Variants in PDPN observed in about 807,000 individuals in gnomAD.
PDPN encodes PA2.26 antigen.
In PDPN, 12 loss-of-function variants were observed where a neutral mutation model predicts 23.2. That is an observed-to-expected ratio of 0.52 (90% CI 0.33 to 0.84). PDPN has a LOEUF of 0.84. PDPN is among the 40% of genes least tolerant of loss of function. The pLI, the probability that PDPN is intolerant of heterozygous loss-of-function variation, is 0.02. For synonymous variants in PDPN, 77 were observed against 76.7 expected, an observed-to-expected ratio of 1.00 and a Z score of -0.02; for missense variants, 199 against 212.2, an observed-to-expected ratio of 0.94 and a Z score of 0.39.
chr1:13,595,593 TCTC>T (rs1553144477), intron 1 of PDPN, among the ~76,000 whole-genome samples: 2 of 152,154 alleles, frequency 1.3e-5, no homozygotes, highest in Non-Finnish European at 2.9e-5. Context: ...ACGTGTCTGA[TCTC>T]CTCAGCTTTG....
At chr1:13,602,464 C>T (rs77413134) in intron 1 of PDPN, among the ~76,000 whole-genome samples, 2,497 of 152,270 alleles carry the variant, frequency 0.016, 90 homozygotes, top group African/African-American at 0.057. Context: ...CAACTCGCTC[C>T]ACAAATCAAA....
At chr1:13,592,133 C>A (rs558612273) in intron 1 of PDPN, among the ~76,000 whole-genome samples, 1 of 152,306 alleles carries the variant, frequency 6.6e-6, no homozygotes, top group South Asian at 2.1e-4. Flanking sequence ...TTGTTTAAAT[C>A]CTTTGCTCAC....
intron 1 of PDPN, among the ~76,000 whole-genome samples, chr1:13,588,997 T>TTGA (rs1640262983): frequency 2.0e-5 from 3 of 148,158 alleles, no homozygotes; most frequent in Non-Finnish European, 2.9e-5. Context: ...ATTCAATAAA[T>TTGA]ATTTATTGAA....
intron 3 of PDPN, among the ~76,000 whole-genome samples, chr1:13,613,038 C>T (rs1640975436): frequency 6.6e-6 from 1 of 152,066 alleles, no homozygotes; most frequent in Non-Finnish European, 1.5e-5. Context: ...TCAAAAGAAA[C>T]TCACAATGAC....
chr1:13,599,492 T>C (rs1640587564), intron 1 of PDPN, among the ~76,000 whole-genome samples: 1 of 148,904 alleles, frequency 6.7e-6, no homozygotes, highest in Non-Finnish European at 1.5e-5. Context: ...TTCAAGTGAT[T>C]CTTGTGCCTC....
At chr1:13,595,350 C>G (rs1640465779) in intron 1 of PDPN, among the ~76,000 whole-genome samples, 2 of 152,100 alleles carry the variant, frequency 1.3e-5, no homozygotes, top group Admixed American at 6.5e-5. Flanking sequence ...TGGAGTCGCT[C>G]TCATTGGCCC....
intron 3 of PDPN, among the ~76,000 whole-genome samples, chr1:13,611,974 A>AT (rs1424485694): frequency 6.6e-6 from 1 of 152,196 alleles, no homozygotes; most frequent in Non-Finnish European, 1.5e-5. Context: ...GCAGCAGAAA[A>AT]TTCTGCCATC....
At chr1:13,588,521 T>A (rs1640241441) in intron 1 of PDPN, among the ~76,000 whole-genome samples, 1 of 150,550 alleles carries the variant, frequency 6.6e-6, no homozygotes, top group African/African-American at 2.4e-5. Context: ...TTTGTTGATG[T>A]TTAAACCTTC....
chr1:13,597,752 G>A (rs1391081187), intron 1 of PDPN, among the ~76,000 whole-genome samples: 1 of 152,064 alleles, frequency 6.6e-6, no homozygotes, highest in African/African-American at 2.4e-5. Flanking sequence ...TGGAAGAGTC[G>A]CTTGAGCCCA....
chr1:13,599,470 C>T (rs1031370930), intron 1 of PDPN, among the ~76,000 whole-genome samples: 9 of 145,170 alleles, frequency 6.2e-5, no homozygotes, highest in African/African-American at 2.0e-4. Flanking sequence ...ACTGCAACCT[C>T]CACCTCCTGG....
At chr1:13,605,040 G>T (rs1009949782) in intron 1 of PDPN, among the ~76,000 whole-genome samples, 1 of 152,184 alleles carries the variant, frequency 6.6e-6, no homozygotes, top group African/African-American at 2.4e-5. Context: ...ACTGGATTAG[G>T]ACTCTAGAAT....
chr1:13,585,608 G>A, intron 1 of PDPN: 1 of 1,352,084 alleles, frequency 7.4e-7, no homozygotes, highest in Non-Finnish European at 9.8e-7. Flanking sequence ...CTTTAGCTGT[G>A]ATTCCCTTCA....
At chr1:13,601,234 C>T (rs909682651) in intron 1 of PDPN, among the ~76,000 whole-genome samples, 3 of 152,182 alleles carry the variant, frequency 2.0e-5, no homozygotes, top group Non-Finnish European at 4.4e-5. Flanking sequence ...GTGAAGAGAG[C>T]ACGGATTTAG....
chr1:13,587,540 G>A (rs982843581), intron 1 of PDPN, among the ~76,000 whole-genome samples: 1 of 152,152 alleles, frequency 6.6e-6, no homozygotes, highest in East Asian at 1.9e-4. Flanking sequence ...TTTATTTGAC[G>A]AATCTGAATC....
At chr1:13,584,301 CG>C in intron 1 of PDPN, 1 of 1,514,722 alleles carries the variant, frequency 6.6e-7, no homozygotes. Flanking sequence ...CGCAGCTGCG[CG>C]GGTGTGCCGG....
chr1:13,608,028 C>A (rs1319270713), intron 2 of PDPN, among the ~76,000 whole-genome samples: 1 of 152,100 alleles, frequency 6.6e-6, no homozygotes, highest in Non-Finnish European at 1.5e-5. Flanking sequence ...TAGCTTGAAC[C>A]CGGGAGGTGG....
intron 4 of PDPN, 128 bp downstream of exon 4, chr1:13,613,853 C>A (rs111804818): frequency 1.0e-5 from 5 of 478,540 alleles, no homozygotes; most frequent in South Asian, 3.5e-5. Flanking sequence ...GAAAACATTC[C>A]GAGAACAGAT....
At chr1:13,589,427 A>G (rs1016808384) in intron 1 of PDPN, among the ~76,000 whole-genome samples, 1 of 152,212 alleles carries the variant, frequency 6.6e-6, no homozygotes, top group African/African-American at 2.4e-5. Context: ...CTGTAAAGCT[A>G]CAGGATCTAG....
rs1290420878 is a variant in PDPN, at chr1:13,616,966, A to G, written c.*1055A>G. On this transcript the variant is annotated 3_prime_UTR_variant, in exon 6 of 6. Transcript: ENST00000621990. ...GGAAAGATACAGGGAACAAAAATCA[A>G]TTTGTACAGTCTTAATATTAAAAGC... The G allele has an allele frequency of 1.3e-5, 2 of 152,172 alleles. No homozygotes were observed. The highest frequency in any genetic ancestry group is 2.9e-5 in the Non-Finnish European group (2 of 68,038). The allele number at this position is 152,172 out of a possible 1,614,324, so 9.4% of individuals were successfully genotyped here.
Sources: gnomAD v4.1 joint callset for allele counts (sites outside exome capture counted in the v4.1 genomes callset) on GRCh38, gnomAD v4.1.1 for gene constraint, MANE v1.5 for transcripts, NCBI Gene and HGNC (gene_info 2026-07-23, HGNC 2026-07-21) for gene names.